The following GATA2 variants were observed in gnomAD, a reference collection of about 807,000 sequenced individuals.
The protein encoded by GATA2 is GATA binding protein 2.
In GATA2, 6 loss-of-function variants were observed where a neutral mutation model predicts 35.7. That is an observed-to-expected ratio of 0.17 (90% CI 0.09 to 0.33). The LOEUF (loss-of-function observed/expected upper bound fraction) is 0.33. GATA2 is among the 10% of genes least tolerant of loss of function. The pLI is 1.00. For missense variants in GATA2, 541 were observed against 656.6 expected, an observed-to-expected ratio of 0.82 and a Z score of 1.92; for synonymous variants, 313 against 274.9, an observed-to-expected ratio of 1.14 and a Z score of -1.37.
intron 2 of GATA2, among the ~76,000 whole-genome samples, 192 bp downstream of exon 2, chr3:128,486,611 G>A (rs2068703132): frequency 6.6e-6 from 1 of 152,156 alleles, no homozygotes; most frequent in East Asian, 1.9e-4. Context: ...CAGGCCAGCT[G>A]GAAGTGGGCA....
chr3:128,492,865 G>C (rs2068794707), intron 1 of GATA2, 34 bp downstream of exon 1: 1 of 152,916 alleles, frequency 6.5e-6, no homozygotes, highest in Non-Finnish European at 1.5e-5. Flanking sequence ...GGGAAGGGCC[G>C]GGCCCAGGGA....
At chr3:128,491,318 TATGGGCAGCTA>T (rs1199649004) in intron 1 of GATA2, among the ~76,000 whole-genome samples, 1 of 151,914 alleles carries the variant, frequency 6.6e-6, no homozygotes, top group Non-Finnish European at 1.5e-5. Flanking sequence ...GCCTTTTCCT[TATGGGCAGCTA>T]ATTGGCCCGC....
intron 4 of GATA2, among the ~76,000 whole-genome samples, chr3:128,482,883 G>GGAGT (rs1286567286): frequency 3.9e-5 from 6 of 152,260 alleles, no homozygotes; most frequent in African/African-American, 1.4e-4. Flanking sequence ...ACTGCAGGCG[G>GGAGT]GAGTGCACCA....
chr3:128,489,829 C>G (rs1350807799), intron 1 of GATA2: 2 of 152,268 alleles, frequency 1.3e-5, no homozygotes, highest in Non-Finnish European at 2.9e-5. Context: ...GAGCTCGAGC[C>G]TATTTGGCGT....
chr3:128,487,398 C>T (rs904106732), intron 1 of GATA2, among the ~76,000 whole-genome samples: 2 of 152,162 alleles, frequency 1.3e-5, no homozygotes, highest in African/African-American at 2.4e-5. Flanking sequence ...ACTGAGCCCC[C>T]CCGCCCGGTA....
intron 4 of GATA2, among the ~76,000 whole-genome samples, chr3:128,483,183 T>C (rs2068652596): frequency 6.6e-6 from 1 of 152,242 alleles, no homozygotes; most frequent in African/African-American, 2.4e-5. Context: ...TTATTATTCT[T>C]AGCATTTTAC....
At position 128,479,687 on chromosome 3, in the gene GATA2, G is replaced by A; in HGVS notation, c.*1332C>T. On this transcript the variant is annotated 3_prime_UTR_variant, in exon 6 of 6. Transcript: ENST00000341105. ...CGACTGCCCGCCCATATTGCACTTG[G>A]TCACTACATCAGCACAATCCTCCTC... 1 of 233,702 alleles carries A rather than the reference G, an allele frequency of 4.3e-6. No homozygotes were observed. The highest frequency in any genetic ancestry group is 2.2e-5 in the African/African-American group (1 of 45,452). 14.5% of individuals were successfully genotyped at this position (233,702 alleles called of 1,614,324 possible). A position where few individuals can be genotyped will look rare whatever the true frequency, so the allele number is the denominator to read the frequency against.
intron 2 of GATA2, 82 bp downstream of exon 2, chr3:128,486,721 G>A (rs1189871206): frequency 1.5e-6 from 2 of 1,333,996 alleles, no homozygotes; most frequent in East Asian, 2.5e-5. Flanking sequence ...CTACATCCGG[G>A]AAGCAAGCAG....
chr3:128,485,645 C>A, intron 3 of GATA2, 82 bp downstream of exon 3: 1 of 1,512,278 alleles, frequency 6.6e-7, no homozygotes, highest in South Asian at 1.2e-5. Flanking sequence ...ACCAACACTG[C>A]CACCTCTCCC....
intron 1 of GATA2, among the ~76,000 whole-genome samples, chr3:128,491,208 G>T (rs2068762933): frequency 9.3e-6 from 1 of 107,390 alleles, no homozygotes; most frequent in Non-Finnish European, 1.9e-5. Context: ...CGGCCGTCCA[G>T]CCCCCCCCCC....
In GATA2 at chr3:128,486,788, G is replaced by T. The variant is rs767013148; in HGVS notation, c.229+15C>A. The T allele has an allele frequency of 2.5e-5, 40 of 1,586,564 alleles. No individual in the cohort carries two copies. The highest frequency in any genetic ancestry group is 4.0e-5 in the African/African-American group (3 of 74,740). Reference sequence around the variant, plus strand: ...GCGGCGCCTGGGTTCTCATCACCACGGGCCCAGTGCTCACCGTGCGCGGGG... The same window carrying T: ...GCGGCGCCTGGGTTCTCATCACCACTGGCCCAGTGCTCACCGTGCGCGGGG... On this transcript the variant is annotated intron_variant, in intron 2 of 5. Coordinates refer to ENST00000341105, the MANE Select transcript of GATA2 (RefSeq NM_032638.5).
In GATA2 at chr3:128,486,467, C is replaced by G. The variant is rs575201280; in HGVS notation, c.230-99G>C. The G allele has an allele frequency of 2.0e-5, 29 of 1,431,354 alleles. No homozygotes were observed. The African/African-American group carries it at 2.9e-4, about 14-fold the overall frequency. 88.7% of individuals were successfully genotyped at this position (1,431,354 alleles called of 1,614,324 possible). On this transcript the variant is annotated intron_variant, in intron 2 of 5. Transcript: ENST00000341105. ...GACATTGAGATCACGACTCCCAGAA[C>G]CAGCAGTCATCCCCTCCCCAAAGAA...
chr3:128,484,898 C>T (rs2068675382), intron 3 of GATA2, among the ~76,000 whole-genome samples: 1 of 152,130 alleles, frequency 6.6e-6, no homozygotes, highest in Non-Finnish European at 1.5e-5. Context: ...TACAGCCTGG[C>T]AAGAGAAGGT....
chr3:128,492,728 C>T (rs554842778), intron 1 of GATA2, among the ~76,000 whole-genome samples, 171 bp downstream of exon 1: 115 of 152,310 alleles, frequency 7.6e-4, no homozygotes, highest in Non-Finnish European at 1.2e-3. Context: ...ACCAAATACT[C>T]CCTCTGGTTA....
chr3:128,487,515 A>C (rs1029110577), intron 1 of GATA2, among the ~76,000 whole-genome samples: 15 of 152,208 alleles, frequency 9.9e-5, no homozygotes, highest in African/African-American at 3.4e-4. Flanking sequence ...CGCCAGATAC[A>C]CATACTGATC....
rs1262949280 is a variant in GATA2, at chr3:128,483,215, G to A, written c.1017+645C>T. Among the ~76,000 whole-genome samples, 1 of 152,232 alleles carries A rather than the reference G, an allele frequency of 6.6e-6. No homozygotes were observed. Among genetic ancestry groups the A allele is most frequent in the Non-Finnish European group, 1.5e-5 (1 of 68,042 alleles). On this transcript the variant is annotated intron_variant, in intron 4 of 5. Coordinates refer to ENST00000341105, the MANE Select transcript of GATA2 (RefSeq NM_032638.5). ...TTACGCATTATTTGCAGAGTGGAGG[G>A]TATTAGAAATTTCAAAACAGCCCAG...
intron 3 of GATA2, 44 bp downstream of exon 3, chr3:128,485,679 AACGC>A (rs1207631440): frequency 1.9e-6 from 3 of 1,598,080 alleles, no homozygotes; most frequent in Middle Eastern, 1.6e-4. Context: ...CCACCACAAA[AACGC>A]AAATGCTCCC....
chr3:128,482,288 A>G (rs979337163), intron 4 of GATA2, among the ~76,000 whole-genome samples: 1 of 152,134 alleles, frequency 6.6e-6, no homozygotes, highest in Non-Finnish European at 1.5e-5. Context: ...TAGCACAGGC[A>G]TCCTGAGGCT....
At chr3:128,481,741 C>A in intron 5 of GATA2, 78 bp downstream of exon 5, 2 of 1,530,564 alleles carry the variant, frequency 1.3e-6, no homozygotes, top group Non-Finnish European at 1.8e-6. Flanking sequence ...GATATTGTGG[C>A]TGGGGCCTCT....
Sources: allele counts gnomAD v4.1 joint callset (sites outside exome capture counted in the v4.1 genomes callset), GRCh38; gene constraint gnomAD v4.1.1; transcripts MANE v1.5; gene names NCBI Gene and HGNC (gene_info 2026-07-23, HGNC 2026-07-21).